Variants in SNRNP40 observed in about 807,000 individuals in gnomAD.
The protein encoded by SNRNP40 is small nuclear ribonucleoprotein U5 subunit 40, also known as U5 small nuclear ribonucleoprotein 40 kDa protein.
Under a neutral mutation model 45.8 loss-of-function variants are expected in SNRNP40, and 21 were observed. The ratio of observed to expected loss-of-function variants is 0.46; its 90% confidence interval spans 0.32 to 0.66. The LOEUF (loss-of-function observed/expected upper bound fraction) is 0.66, where lower values mean the gene tolerates loss of function less well. Among genes scored for constraint, SNRNP40 ranks in the 30% least tolerant of loss-of-function variants. The pLI is 0.03. For synonymous variants in SNRNP40, 142 were observed against 163.8 expected, an observed-to-expected ratio of 0.87 and a Z score of 1.01; for missense variants, 344 against 439.1, an observed-to-expected ratio of 0.78 and a Z score of 1.94.
At chr1:31,275,330 G>A (rs1190210692) in intron 5 of SNRNP40, among the ~76,000 whole-genome samples, 2 of 152,104 alleles carry the variant, frequency 1.3e-5, no homozygotes, top group Non-Finnish European at 2.9e-5. Flanking sequence ...AGGTCTTTTA[G>A]GACAACTAAG....
intron 9 of SNRNP40, chr1:31,261,014 A>G (rs1024237001): frequency 1.5e-5 from 19 of 1,280,898 alleles, no homozygotes; most frequent in Non-Finnish European, 1.9e-5. Context: ...ACCACTTATG[A>G]GCAATGGTGA....
intron 5 of SNRNP40, among the ~76,000 whole-genome samples, chr1:31,272,813 A>G (rs1645948127): frequency 6.6e-6 from 1 of 152,242 alleles, no homozygotes; most frequent in African/African-American, 2.4e-5. Context: ...TGTAAAATAA[A>G]TATTTTCAAG....
At chr1:31,261,186 C>CAAA in intron 9 of SNRNP40, 5 of 264,622 alleles carry the variant, frequency 1.9e-5, no homozygotes, top group Non-Finnish European at 2.9e-5. Context: ...ACTAAAAATA[C>CAAA]AAAAAAAAAA....
In SNRNP40 at chr1:31,293,295, A is replaced by G. The variant is rs768815598; in HGVS notation, c.195T>C (p.His65=). The G allele has an allele frequency of 1.9e-6, 3 of 1,613,986 alleles. No homozygotes were observed. Among genetic ancestry groups the G allele is most frequent in the Non-Finnish European group, 2.5e-6 (3 of 1,179,970 alleles). The stretch of plus-strand genomic sequence containing the variant: ...ACTTGCAGCAGTAGACTTCCCCTTC[A>G]TGTCCAGAGAGCAGCATGATTGGGG... ...LQAPIMLLSG[H]EGEVYCCKFH... The change falls in exon 2 of 10, where the codon CAT becomes CAC. Residue 65 remains histidine (H), a synonymous_variant. Transcript: ENST00000263694.
intron 3 of SNRNP40, among the ~76,000 whole-genome samples, chr1:31,290,916 T>C (rs1206434667): frequency 6.6e-6 from 1 of 151,806 alleles, no homozygotes; most frequent in Non-Finnish European, 1.5e-5. Flanking sequence ...ATAAAAAAGA[T>C]TGTACACATA....
In SNRNP40 at chr1:31,286,025, C is replaced by G. The variant is rs547148773; in HGVS notation, c.531+3229G>C. Reference sequence around the variant, plus strand: ...GTACAAGGCTTATCTTGTACTTTCACTGCCCCTGGGCTGAAATAGGAGCCC... The same window carrying G: ...GTACAAGGCTTATCTTGTACTTTCAGTGCCCCTGGGCTGAAATAGGAGCCC... On this transcript the variant is annotated intron_variant, in intron 4 of 9. Transcript: ENST00000263694. 5.8e-3 allele frequency among the ~76,000 whole-genome samples: 887 copies of G among 152,250 alleles called. 68 individuals carry two copies. In the East Asian group the frequency reaches 0.14, roughly 25 times the overall value.
chr1:31,285,712 A>G (rs893664422), intron 4 of SNRNP40, among the ~76,000 whole-genome samples: 4 of 152,240 alleles, frequency 2.6e-5, no homozygotes, highest in Non-Finnish European at 2.9e-5. Context: ...GTCTGGAATC[A>G]TATGTTAAAT....
chr1:31,268,564 G>C (rs1464082221), intron 7 of SNRNP40, among the ~76,000 whole-genome samples: 1 of 151,900 alleles, frequency 6.6e-6, no homozygotes, highest in Non-Finnish European at 1.5e-5. Flanking sequence ...CACCATGCCA[G>C]GTCTAAAAAA....
chr1:31,290,139 G>A (rs1174179423), intron 3 of SNRNP40, among the ~76,000 whole-genome samples: 2 of 152,080 alleles, frequency 1.3e-5, no homozygotes, highest in Non-Finnish European at 2.9e-5. Flanking sequence ...GGTTATAGGC[G>A]TAAGCAACCA....
chr1:31,279,483 G>C (rs1159466847), intron 5 of SNRNP40, among the ~76,000 whole-genome samples: 3 of 152,194 alleles, frequency 2.0e-5, no homozygotes, highest in African/African-American at 7.2e-5. Flanking sequence ...AGGCATGGTG[G>C]CTCATGCCTG....
chr1:31,271,184 A>T, intron 6 of SNRNP40, 195 bp downstream of exon 6: 2 of 509,022 alleles, frequency 3.9e-6, no homozygotes, highest in Non-Finnish European at 3.4e-6. Flanking sequence ...GTAGAAACTG[A>T]TGCCTAGAGA....
intron 8 of SNRNP40, among the ~76,000 whole-genome samples, chr1:31,265,077 A>G (rs1042530816): frequency 1.3e-5 from 2 of 152,118 alleles, no homozygotes; most frequent in African/African-American, 4.8e-5. Flanking sequence ...GCCAACCCCC[A>G]GCAGGTAGAG....
intron 6 of SNRNP40, chr1:31,269,745 A>C (rs1276978616): frequency 6.0e-6 from 1 of 167,448 alleles, no homozygotes; most frequent in East Asian, 1.6e-4. Flanking sequence ...AAATCAAAAA[A>C]GCACTGTACC....
At chr1:31,280,113 CAAAAAAAAAAAA>C (rs577919252) in intron 5 of SNRNP40, among the ~76,000 whole-genome samples, 2 of 67,634 alleles carry the variant, frequency 3.0e-5, no homozygotes, top group East Asian at 5.3e-4. Context: ...GACTCTGACT[CAAAAAAAAAAAA>C]AAAAAAAAAG....
At chr1:31,288,568 T>C (rs1270790551) in intron 4 of SNRNP40, among the ~76,000 whole-genome samples, 1 of 152,164 alleles carries the variant, frequency 6.6e-6, no homozygotes, top group Non-Finnish European at 1.5e-5. Context: ...AAAGATAGGC[T>C]GGCAACCATC....
chr1:31,284,677 G>A lies in SNRNP40; in HGVS notation c.532-3181C>T, dbSNP rs59562275. Reference sequence around the variant, plus strand: ...CATCAAAAAGAAAGGAATCAGCCATGGAACTTTAGGGAAGGTCATAGGCTT... The same window carrying A: ...CATCAAAAAGAAAGGAATCAGCCATAGAACTTTAGGGAAGGTCATAGGCTT... On this transcript the variant is annotated intron_variant, in intron 4 of 9. Coordinates refer to ENST00000263694, the MANE Select transcript of SNRNP40 (RefSeq NM_004814.3). 8.4e-3 allele frequency among the ~76,000 whole-genome samples: 1,286 copies of A among 152,302 alleles called. 19 individuals are homozygous for A. The highest frequency in any genetic ancestry group is 0.029 in the African/African-American group (1,210 of 41,568).
intron 8 of SNRNP40, among the ~76,000 whole-genome samples, chr1:31,267,588 T>G (rs1008662810): frequency 6.6e-6 from 1 of 152,164 alleles, no homozygotes; most frequent in African/African-American, 2.4e-5. Flanking sequence ...GCTGGAGCAG[T>G]GCAACGGCGT....
intron 5 of SNRNP40, among the ~76,000 whole-genome samples, chr1:31,280,767 G>GTT (rs373402074): frequency 0.026 from 3,737 of 143,414 alleles, 148 homozygotes; most frequent in African/African-American, 0.088. Flanking sequence ...AGATGCTACT[G>GTT]TTTTTTTTTT....
At chr1:31,278,479 A>G (rs922419521) in intron 5 of SNRNP40, among the ~76,000 whole-genome samples, 1 of 152,372 alleles carries the variant, frequency 6.6e-6, no homozygotes, top group South Asian at 2.1e-4. Context: ...TGTCTTGAAA[A>G]GTATAAAAGT....
Sources: gnomAD v4.1 joint callset for allele counts (sites outside exome capture counted in the v4.1 genomes callset) on GRCh38, gnomAD v4.1.1 for gene constraint, MANE v1.5 for transcripts, NCBI Gene and HGNC (gene_info 2026-07-23, HGNC 2026-07-21) for gene names.